The following NKAIN2 variants were observed in gnomAD, a reference collection of about 807,000 sequenced individuals.
NKAIN2 encodes sodium/potassium transporting ATPase interacting 2.
In NKAIN2, 14 loss-of-function variants were observed where a neutral mutation model predicts 32.6. That is an observed-to-expected ratio of 0.43 (90% CI 0.28 to 0.67). The LOEUF is 0.67. Ranked by LOEUF, NKAIN2 falls within the 30% of genes least tolerant of loss-of-function variation. NKAIN2 has a pLI of 0.17. For synonymous variants in NKAIN2, 80 were observed against 87.2 expected (o/e 0.92, Z 0.46); for missense variants, 198 against 258.3 (o/e 0.77, Z 1.60).
At chr6:124,568,822 C>CAAAAAAAAAAAAA (rs3053601) in intron 3 of NKAIN2, among the ~76,000 whole-genome samples, 17 of 80,522 alleles carry the variant, frequency 2.1e-4, no homozygotes, top group Non-Finnish European at 1.6e-4. Context: ...AGCACTGTGG[C>CAAAAAAAAAAAAA]AAAAAAAAAA....
chr6:124,629,004 C>G (rs906137994), intron 3 of NKAIN2, among the ~76,000 whole-genome samples: 4 of 151,972 alleles, frequency 2.6e-5, no homozygotes, highest in African/African-American at 9.7e-5. Flanking sequence ...GCTGAGTGTG[C>G]CCAGTCGTTT....
At chr6:124,672,619 A>G (rs1773161091) in intron 4 of NKAIN2, among the ~76,000 whole-genome samples, 1 of 152,086 alleles carries the variant, frequency 6.6e-6, no homozygotes, top group Non-Finnish European at 1.5e-5. Flanking sequence ...AATATTTATA[A>G]TATATCAGAT....
intron 1 of NKAIN2, among the ~76,000 whole-genome samples, chr6:123,866,381 C>T (rs1393386617): frequency 6.7e-6 from 1 of 149,588 alleles, no homozygotes; most frequent in East Asian, 1.9e-4. Flanking sequence ...CTAGGCATTT[C>T]GAAGGTTCTA....
At chr6:124,282,575 T>G (rs923743192) in intron 1 of NKAIN2, among the ~76,000 whole-genome samples, 4 of 152,188 alleles carry the variant, frequency 2.6e-5, no homozygotes, top group Non-Finnish European at 5.9e-5. Flanking sequence ...TTGCTAAAGA[T>G]TTCTTTTTCC....
chr6:124,284,620 A>AT (rs1460907540), intron 2 of NKAIN2, among the ~76,000 whole-genome samples: 2 of 151,980 alleles, frequency 1.3e-5, no homozygotes, highest in Non-Finnish European at 1.5e-5. Context: ...AGTTCTTGGG[A>AT]TAAAATCTAG....
chr6:124,649,709 CTT>C (rs1273961695), intron 3 of NKAIN2, among the ~76,000 whole-genome samples: 1 of 152,080 alleles, frequency 6.6e-6, no homozygotes, highest in Non-Finnish European at 1.5e-5. Context: ...GATGCAAAGA[CTT>C]TCAACATATA....
At chr6:123,914,520 A>G (rs1775392981) in intron 1 of NKAIN2, among the ~76,000 whole-genome samples, 2 of 152,084 alleles carry the variant, frequency 1.3e-5, no homozygotes. Flanking sequence ...ACAGCCACAC[A>G]AAGGGTTGGA....
chr6:124,429,503 A>C (rs904181633), intron 3 of NKAIN2, among the ~76,000 whole-genome samples: 1 of 152,284 alleles, frequency 6.6e-6, no homozygotes, highest in East Asian at 1.9e-4. Context: ...CTAGCCACTC[A>C]GTTCTATCAA....
intron 3 of NKAIN2, among the ~76,000 whole-genome samples, chr6:124,396,179 A>G (rs1483808138): frequency 2.0e-5 from 3 of 152,098 alleles, no homozygotes; most frequent in African/African-American, 7.2e-5. Context: ...ACCACTCAAA[A>G]TGAAACAATG....
chr6:124,366,479 A>T (rs1399058169), intron 3 of NKAIN2, among the ~76,000 whole-genome samples: 1 of 152,136 alleles, frequency 6.6e-6, no homozygotes, highest in Non-Finnish European at 1.5e-5. Flanking sequence ...TGTTCACATG[A>T]TTTCACTGAA....
At chr6:124,336,299 AC>A (rs1324737933) in intron 2 of NKAIN2, among the ~76,000 whole-genome samples, 2 of 152,156 alleles carry the variant, frequency 1.3e-5, no homozygotes, top group Non-Finnish European at 2.9e-5. Context: ...ATCATCCCAA[AC>A]TTTTTTGCCA....
intron 3 of NKAIN2, among the ~76,000 whole-genome samples, chr6:124,647,635 A>G (rs1184783641): frequency 6.6e-6 from 1 of 151,860 alleles, no homozygotes; most frequent in African/African-American, 2.4e-5. Flanking sequence ...TTGCTTTTTT[A>G]AAAACAGATG....
chr6:124,543,004 C>T (rs1439551976), intron 3 of NKAIN2, among the ~76,000 whole-genome samples: 1 of 152,068 alleles, frequency 6.6e-6, no homozygotes, highest in African/African-American at 2.4e-5. Context: ...GTAAGTATTT[C>T]ACAGCACTTG....
chr6:123,953,527 G>T (rs553116400), intron 1 of NKAIN2, among the ~76,000 whole-genome samples: 1 of 152,148 alleles, frequency 6.6e-6, no homozygotes, highest in Non-Finnish European at 1.5e-5. Context: ...GATGGGCTGG[G>T]TGGACCAGTC....
At chr6:124,156,318 G>A (rs1417454066) in intron 1 of NKAIN2, among the ~76,000 whole-genome samples, 3 of 152,018 alleles carry the variant, frequency 2.0e-5, no homozygotes, top group African/African-American at 4.8e-5. Context: ...GATGATTCAC[G>A]CATGTGTAGA....
chr6:124,184,050 A>G (rs1789585940), intron 1 of NKAIN2, among the ~76,000 whole-genome samples: 1 of 152,278 alleles, frequency 6.6e-6, no homozygotes, highest in African/African-American at 2.4e-5. Flanking sequence ...AAATGGCCAG[A>G]TGCTCACAGA....
At chr6:124,367,548 A>C (rs2114308421) in intron 3 of NKAIN2, among the ~76,000 whole-genome samples, 1 of 152,298 alleles carries the variant, frequency 6.6e-6, no homozygotes, top group South Asian at 2.1e-4. Context: ...ACCATTATAT[A>C]AATCACTTTG....
In NKAIN2 at chr6:124,565,114, T is replaced by C. The variant is rs1466002946; in HGVS notation, c.274-93072T>C. Among the ~76,000 whole-genome samples, 4 of 152,170 alleles carry C rather than the reference T, an allele frequency of 2.6e-5. No homozygotes were observed. The East Asian group carries it at 7.7e-4, about 29-fold the overall frequency. ...GGTGGCGGTGAGGGGAAAGGGGTGT[T>C]GTTGAACTCAGGGAGAGTCTCACAG... On this transcript the variant is annotated intron_variant, in intron 3 of 6. Transcript: ENST00000368417.
chr6:123,950,634 A>G (rs776214169), intron 1 of NKAIN2, among the ~76,000 whole-genome samples: 8 of 151,774 alleles, frequency 5.3e-5, no homozygotes, highest in Non-Finnish European at 1.0e-4. Context: ...GTATGGTATC[A>G]GTTGTAATGG....
Sources: gnomAD v4.1 joint callset for allele counts (sites outside exome capture counted in the v4.1 genomes callset) on GRCh38, gnomAD v4.1.1 for gene constraint, MANE v1.5 for transcripts, NCBI Gene and HGNC (gene_info 2026-07-23, HGNC 2026-07-21) for gene names.